The following RXRA variants were observed in gnomAD, a reference collection of about 807,000 sequenced individuals.
RXRA encodes retinoic acid receptor RXR-alpha.
RXRA carries 5 observed loss-of-function variants against 44.5 expected under a neutral mutation model. The observed-to-expected ratio is 0.11, with a 90% confidence interval of 0.06 to 0.24. The LOEUF (loss-of-function observed/expected upper bound fraction) is 0.24, where lower values mean the gene tolerates loss of function less well. RXRA is among the 10% of genes least tolerant of loss of function. The pLI, the probability that RXRA is intolerant of heterozygous loss-of-function variation, is 1.00. For missense variants in RXRA, 412 were observed against 646.5 expected (o/e 0.64, Z 3.93); for synonymous variants, 291 against 271.4 (o/e 1.07, Z -0.71).
intron 1 of RXRA, among the ~76,000 whole-genome samples, chr9:134,367,605 T>C (rs1030134391): frequency 2.6e-5 from 4 of 152,200 alleles, no homozygotes; most frequent in Non-Finnish European, 5.9e-5. Context: ...GTCGGTGCAG[T>C]GCGGTGACCC....
At position 134,401,714 on chromosome 9, in the gene RXRA, G is replaced by A; in HGVS notation, c.111G>A (p.Leu37=). 2.5e-6 allele frequency: 4 copies of A among 1,613,178 alleles called. No homozygotes were observed. In the South Asian group the frequency reaches 4.4e-5, roughly 18 times the overall value. ...SMAAPSLHPS[L]GPGIGSPGQL... Reference sequence around the variant, plus strand: ...CTGCCCCCTCGCTGCACCCGTCCCTGGGGCCTGGCATCGGCTCCCCGGGAC... The same window carrying A: ...CTGCCCCCTCGCTGCACCCGTCCCTAGGGCCTGGCATCGGCTCCCCGGGAC... Residue 37 remains leucine, a synonymous_variant, in exon 2 of 10, where the codon CTG becomes CTA. Coordinates refer to ENST00000481739, the MANE Select transcript of RXRA (RefSeq NM_002957.6).
chr9:134,360,519 G>A (rs1196655058), intron 1 of RXRA, among the ~76,000 whole-genome samples: 1 of 152,212 alleles, frequency 6.6e-6, no homozygotes, highest in Non-Finnish European at 1.5e-5. Context: ...GAGACAGTGT[G>A]GGCAGCCAGT....
At chr9:134,360,456 C>G (rs1367411624) in intron 1 of RXRA, among the ~76,000 whole-genome samples, 1 of 152,196 alleles carries the variant, frequency 6.6e-6, no homozygotes, top group East Asian at 1.9e-4. Flanking sequence ...CCATCCTTCC[C>G]CTGGTCCCGC....
At chr9:134,402,233 C>T (rs1830975817) in intron 2 of RXRA, 2 of 303,040 alleles carry the variant, frequency 6.6e-6, no homozygotes, top group East Asian at 7.1e-5. Flanking sequence ...CCTGCTTCCC[C>T]AAAAGCTTGT....
intron 1 of RXRA, among the ~76,000 whole-genome samples, chr9:134,329,289 G>A (rs2119004532): frequency 6.6e-6 from 1 of 152,364 alleles, no homozygotes; most frequent in South Asian, 2.1e-4. Context: ...AAATAACAGG[G>A]TCATGTGACT....
At chr9:134,415,018 C>T (rs1449418438) in intron 4 of RXRA, among the ~76,000 whole-genome samples, 1 of 152,238 alleles carries the variant, frequency 6.6e-6, no homozygotes, top group Non-Finnish European at 1.5e-5. Context: ...ACCAGCCCTG[C>T]TCCCCATCCT....
intron 1 of RXRA, among the ~76,000 whole-genome samples, chr9:134,391,361 G>A (rs574825604): frequency 1.9e-4 from 29 of 152,290 alleles, no homozygotes; most frequent in African/African-American, 6.7e-4. Context: ...GCCGTTCCAC[G>A]ACAGAGCTGC....
At chr9:134,395,521 T>C (rs998648680) in intron 1 of RXRA, among the ~76,000 whole-genome samples, 1 of 152,220 alleles carries the variant, frequency 6.6e-6, no homozygotes, top group African/African-American at 2.4e-5. Context: ...AGTTGCGGGC[T>C]GCAGTGAAGG....
intron 1 of RXRA, among the ~76,000 whole-genome samples, chr9:134,350,025 C>T (rs1265195861): frequency 6.6e-6 from 1 of 151,688 alleles, no homozygotes; most frequent in African/African-American, 2.4e-5. Flanking sequence ...AGAGCACTTG[C>T]TGGCCTATGG....
Position 134,426,161 on chromosome 9 carries a change from C to T in RXRA, c.911-2947C>T, listed in dbSNP as rs531715466. 2.0e-6 allele frequency: 2 copies of T among 985,396 alleles called. No individual in the cohort carries two copies. The highest frequency in any genetic ancestry group is 2.4e-6 in the Non-Finnish European group (2 of 829,924). 61.0% of individuals were successfully genotyped at this position (985,396 alleles called of 1,614,324 possible). A position where few individuals can be genotyped will look rare whatever the true frequency, so the allele number is the denominator to read the frequency against. ...AGCAGCCCCAGGCAAGACTCTTTGT[C>T]CTGCGCTTGGAGCCTGGAGTAAGAC... On this transcript the variant is annotated intron_variant, in intron 6 of 9. Coordinates refer to ENST00000481739, the MANE Select transcript of RXRA (RefSeq NM_002957.6). This position sits in a 1 kb window ranked among gnomAD's most constrained non-coding sequence, Gnocchi z 4.6.
chr9:134,339,107 C>A (rs1360714050), intron 1 of RXRA, among the ~76,000 whole-genome samples: 1 of 135,468 alleles, frequency 7.4e-6, no homozygotes, highest in Non-Finnish European at 1.6e-5. Flanking sequence ...GGTGGTCACC[C>A]CCCCTGGGGT....
intron 1 of RXRA, among the ~76,000 whole-genome samples, chr9:134,341,067 C>T (rs560589710): frequency 1.2e-4 from 18 of 152,248 alleles, no homozygotes; most frequent in Admixed American, 8.5e-4. Context: ...CACCTTGGGG[C>T]GGAGTGAGAG....
chr9:134,409,255 T>G, intron 4 of RXRA, 136 bp downstream of exon 4: 1 of 904,162 alleles, frequency 1.1e-6, no homozygotes, highest in African/African-American at 1.8e-5. Flanking sequence ...AAGGCAGGAG[T>G]GGGGGCGGGG....
At chr9:134,382,659 G>C (rs1830663481) in intron 1 of RXRA, among the ~76,000 whole-genome samples, 1 of 152,168 alleles carries the variant, frequency 6.6e-6, no homozygotes, top group Non-Finnish European at 1.5e-5. Flanking sequence ...AGCCCCTCCA[G>C]TTATCCAGGG....
chr9:134,344,511 T>C (rs1207828529), intron 1 of RXRA, among the ~76,000 whole-genome samples: 3 of 152,088 alleles, frequency 2.0e-5, no homozygotes, highest in Non-Finnish European at 1.5e-5. Context: ...CTTAAAAAGG[T>C]GGAAGTGGAG....
At position 134,366,768 on chromosome 9, in the gene RXRA, C is replaced by T. The variant is rs891485573; in HGVS notation, c.29-34864C>T. On this transcript the variant is annotated intron_variant, in intron 1 of 9. Coordinates refer to ENST00000481739, the MANE Select transcript of RXRA (RefSeq NM_002957.6). This position sits in a 1 kb window ranked among gnomAD's most constrained non-coding sequence, Gnocchi z 5.9. ...TCTCCACGGAAAAGGAAGCCTGGCA[C>T]CCCCCATGTTTCACGTAGGCCACCC... Among the ~76,000 whole-genome samples, 9 of 152,202 alleles carry T rather than the reference C, an allele frequency of 5.9e-5. 1 individual carries two copies. Among genetic ancestry groups the T allele is most frequent in the Non-Finnish European group, 1.5e-5 (1 of 68,022 alleles).
chr9:134,382,233 C>T (rs115209177), intron 1 of RXRA, among the ~76,000 whole-genome samples: 1,581 of 152,010 alleles, frequency 0.01, 25 homozygotes, highest in African/African-American at 0.036. Flanking sequence ...CCCCTGTGGC[C>T]GGCCGCATGT....
At chr9:134,359,840 C>T (rs1830327876) in intron 1 of RXRA, among the ~76,000 whole-genome samples, 2 of 152,188 alleles carry the variant, frequency 1.3e-5, no homozygotes, top group African/African-American at 4.8e-5. Flanking sequence ...CCCGTTTCCC[C>T]CAGGGGCTTT....
chr9:134,398,285 G>A (rs750503806), intron 1 of RXRA, among the ~76,000 whole-genome samples: 9 of 152,166 alleles, frequency 5.9e-5, no homozygotes, highest in Non-Finnish European at 1.3e-4. Context: ...CGGCCCCAAA[G>A]TAGGATGTTT....
Sources: allele counts gnomAD v4.1 joint callset (sites outside exome capture counted in the v4.1 genomes callset), GRCh38; gene constraint gnomAD v4.1.1; non-coding constraint Gnocchi (gnomAD v3.1); transcripts MANE v1.5; gene names NCBI Gene and HGNC (gene_info 2026-07-23, HGNC 2026-07-21).